Variants in WLS observed in about 807,000 individuals in gnomAD.
The protein encoded by WLS is protein wntless homolog.
Under a neutral mutation model 62.8 loss-of-function variants are expected in WLS, and 23 were observed. The observed-to-expected ratio is 0.37, with a 90% CI of 0.26 to 0.52. WLS has a LOEUF of 0.52. Ranked by LOEUF, WLS falls within the 20% of genes least tolerant of loss-of-function variation. WLS has a pLI of 0.92. For synonymous variants in WLS, 246 were observed against 244.1 expected, an observed-to-expected ratio of 1.01 and a Z score of -0.07; for missense variants, 615 against 697.3, an observed-to-expected ratio of 0.88 and a Z score of 1.33.
chr1:68,138,104 G>T, intron 10 of WLS, 171 bp from the exon 11 acceptor site: 1 of 790,900 alleles, frequency 1.3e-6, no homozygotes, highest in Non-Finnish European at 1.9e-6. Flanking sequence ...TGTAAATTAA[G>T]GTCAACTGAA....
At chr1:68,186,501 T>TAAAAA in intron 2 of WLS, 1 of 355,628 alleles carries the variant, frequency 2.8e-6, no homozygotes, top group Non-Finnish European at 5.6e-6. Flanking sequence ...CACGAAAAGT[T>TAAAAA]AAAAAAAAAA....
chr1:68,150,246 C>G lies in WLS; in HGVS notation c.914G>C (p.Gly305Ala), dbSNP rs1463773903. 6.2e-7 allele frequency: 1 copy of G among 1,614,184 alleles called. No homozygotes were observed. The highest frequency in any genetic ancestry group is 1.7e-5 in the Admixed American group (1 of 60,022). ...GGACAGAAGCATCGCATAGAAGATG[C>G]CCTGTCGGATGTCACCAAACAGCAG... ...WMLLFGDIRQ[G>A]IFYAMLLSFW... The change falls in exon 6 of 12, where the codon GGC becomes GCC. Residue 305 changes from glycine (G) to alanine (A), a missense_variant. Physicochemically the swap from Gly to Ala is moderately conservative, Grantham distance 60. Transcript: ENST00000262348.
intron 2 of WLS, chr1:68,162,100 A>G (rs1646984957): frequency 1.3e-6 from 2 of 1,563,522 alleles, no homozygotes; most frequent in East Asian, 2.3e-5. Context: ...CCTCATCTCC[A>G]GTGACGCCTG....
At chr1:68,119,940 G>A (rs1366009113) in intron 11 of WLS, among the ~76,000 whole-genome samples, 2 of 152,218 alleles carry the variant, frequency 1.3e-5, no homozygotes, top group African/African-American at 4.8e-5. Flanking sequence ...TGGGAGGGAA[G>A]GCCAAGGGGT....
At chr1:68,186,453 CTCAT>C in intron 2 of WLS, 1 of 374,862 alleles carries the variant, frequency 2.7e-6, no homozygotes, top group Non-Finnish European at 5.2e-6. Flanking sequence ...GAAATCTCTT[CTCAT>C]TGTTTGAAAT....
At chr1:68,179,537 T>C (rs1190967694) in intron 2 of WLS, among the ~76,000 whole-genome samples, 1 of 152,152 alleles carries the variant, frequency 6.6e-6, no homozygotes, top group Non-Finnish European at 1.5e-5. Flanking sequence ...AAACGTTGTC[T>C]TAATTAGCGA....
At chr1:68,128,558 G>A (rs910476456) in intron 11 of WLS, among the ~76,000 whole-genome samples, 2 of 152,174 alleles carry the variant, frequency 1.3e-5, no homozygotes, top group African/African-American at 4.8e-5. Context: ...ATGCTAGAGA[G>A]TAATTCTACT....
At chr1:68,131,686 C>T (rs1021522137) in intron 11 of WLS, among the ~76,000 whole-genome samples, 5 of 151,986 alleles carry the variant, frequency 3.3e-5, no homozygotes, top group African/African-American at 1.2e-4. Flanking sequence ...AATTGTATCT[C>T]CCCCAAACTC....
At chr1:68,107,640 A>C (rs1057308324) in intron 11 of WLS, among the ~76,000 whole-genome samples, 2 of 152,230 alleles carry the variant, frequency 1.3e-5, no homozygotes, top group Admixed American at 1.3e-4. Context: ...GGGGAAAAAA[A>C]CATGATCTTC....
chr1:68,101,716 C>T (rs1336991942), intron 11 of WLS, among the ~76,000 whole-genome samples: 3 of 152,128 alleles, frequency 2.0e-5, no homozygotes, highest in African/African-American at 7.2e-5. Context: ...AATCTAGAAA[C>T]TTCATGAATT....
At chr1:68,173,426 C>T (rs1647184349) in intron 2 of WLS, among the ~76,000 whole-genome samples, 1 of 152,050 alleles carries the variant, frequency 6.6e-6, no homozygotes, top group Non-Finnish European at 1.5e-5. Context: ...CTCTCTCTCT[C>T]TCTCTCTGAA....
At chr1:68,205,751 T>C (rs1344188022) in intron 1 of WLS, among the ~76,000 whole-genome samples, 1 of 152,194 alleles carries the variant, frequency 6.6e-6, no homozygotes, top group Non-Finnish European at 1.5e-5. Flanking sequence ...CACTCCCTTC[T>C]AAAAGCATCA....
chr1:68,227,424 AAGAG>A (rs1650203739), intron 1 of WLS, among the ~76,000 whole-genome samples: 2 of 141,094 alleles, frequency 1.4e-5, no homozygotes, highest in South Asian at 4.6e-4. Flanking sequence ...AAAAAAAAAA[AAGAG>A]CAATTAGAGA....
chr1:68,145,299 G>A (rs1315182781), intron 9 of WLS, among the ~76,000 whole-genome samples: 3 of 152,170 alleles, frequency 2.0e-5, no homozygotes, highest in African/African-American at 7.2e-5. Flanking sequence ...ATGAACCCAG[G>A]GGATCCCTGA....
At chr1:68,218,088 A>C (rs1475324352) in intron 1 of WLS, among the ~76,000 whole-genome samples, 1 of 152,228 alleles carries the variant, frequency 6.6e-6, no homozygotes, top group African/African-American at 2.4e-5. Flanking sequence ...CAAAGTAAAC[A>C]TACAACTGGT....
chr1:68,199,340 T>C (rs7554551), intron 1 of WLS, among the ~76,000 whole-genome samples: 45,098 of 151,934 alleles, frequency 0.3, 6,997 homozygotes, highest in Admixed American at 0.35. Flanking sequence ...ACACCCTGAT[T>C]GGAAATTTCT....
rs554853640 is a variant in WLS, at chr1:68,219,954, G to T, written c.106+12240C>A. ...CAGAAGTACAACTGGGATTCACTTC[G>T]CAGCAAGCAAAGAGGGAATAAATCT... is the stretch of plus-strand genomic sequence containing the variant. On this transcript the variant is annotated intron_variant, in intron 1 of 11. Coordinates refer to ENST00000262348, the MANE Select transcript of WLS (RefSeq NM_024911.7). 3.3e-5 allele frequency among the ~76,000 whole-genome samples: 5 copies of T among 152,070 alleles called. No individual in the cohort carries two copies. The South Asian group carries it at 6.2e-4, about 19-fold the overall frequency.
intron 2 of WLS, chr1:68,186,408 T>G: frequency 2.8e-6 from 1 of 352,386 alleles, no homozygotes; most frequent in Non-Finnish European, 5.5e-6. Context: ...AGATATATAT[T>G]ATAAACCCAA....
At chr1:68,156,227 T>G (rs1412608653) in intron 3 of WLS, among the ~76,000 whole-genome samples, 1 of 152,166 alleles carries the variant, frequency 6.6e-6, no homozygotes, top group African/African-American at 2.4e-5. Flanking sequence ...CCATCAATGT[T>G]GGGTTTCTAT....
Sources: gnomAD v4.1 joint callset for allele counts (sites outside exome capture counted in the v4.1 genomes callset) on GRCh38, gnomAD v4.1.1 for gene constraint, MANE v1.5 for transcripts, NCBI Gene and HGNC (gene_info 2026-07-23, HGNC 2026-07-21) for gene names.